Variants in WDR41 observed in about 807,000 individuals in gnomAD.
WDR41 encodes WD repeat domain 41.
A neutral mutation model predicts 69.3 loss-of-function variants in WDR41; 63 were observed. That is an observed-to-expected ratio of 0.91 (90% CI 0.74 to 1.12). The LOEUF is 1.12. WDR41 is among the 50% of genes most tolerant of loss of function. WDR41 has a pLI of 0.00. For synonymous variants in WDR41, 185 were observed against 192.1 expected (o/e 0.96, Z 0.31); for missense variants, 543 against 534.5 (o/e 1.02, Z -0.16).
At chr5:77,437,208 T>C (rs1436221908) in intron 11 of WDR41, 128 bp downstream of exon 11, 1 of 771,704 alleles carries the variant, frequency 1.3e-6, no homozygotes, top group African/African-American at 1.7e-5. Flanking sequence ...ATGCTTTCTA[T>C]AAACATCTGA....
intron 1 of WDR41, among the ~76,000 whole-genome samples, chr5:77,608,960 G>A (rs964485460): frequency 4.6e-5 from 7 of 152,194 alleles, no homozygotes; most frequent in East Asian, 1.9e-4. Context: ...CGAATACTGC[G>A]CTTTTCCGAC....
intron 8 of WDR41, among the ~76,000 whole-genome samples, chr5:77,442,342 T>C (rs776359068): frequency 5.3e-5 from 8 of 152,176 alleles, no homozygotes; most frequent in Non-Finnish European, 1.0e-4. Context: ...TATTAAAAAT[T>C]AAGTTATAAA....
At chr5:77,491,787 G>C (rs1299419079) in intron 1 of WDR41, 1 of 217,916 alleles carries the variant, frequency 4.6e-6, no homozygotes, top group Non-Finnish European at 9.0e-6. Flanking sequence ...GTCACAACTC[G>C]TTCGTTTCTA....
At chr5:77,592,627 A>G (rs1162446947) in intron 1 of WDR41, among the ~76,000 whole-genome samples, 1 of 152,208 alleles carries the variant, frequency 6.6e-6, no homozygotes, top group Non-Finnish European at 1.5e-5. Flanking sequence ...GAGGTGTCCA[A>G]GAGAAACCAG....
At chr5:77,499,561 G>C (rs1053655187) in intron 1 of WDR41, 4 of 152,206 alleles carry the variant, frequency 2.6e-5, no homozygotes, top group Non-Finnish European at 5.9e-5. Flanking sequence ...TGCTGCAAAA[G>C]AGTGCATCCA....
intron 2 of WDR41, among the ~76,000 whole-genome samples, chr5:77,483,691 T>C (rs1251499643): frequency 6.6e-6 from 1 of 152,214 alleles, no homozygotes; most frequent in Non-Finnish European, 1.5e-5. Context: ...TCTATCATTC[T>C]TCCTAGCTTG....
At chr5:77,535,291 C>T (rs1742952922) in intron 1 of WDR41, among the ~76,000 whole-genome samples, 2 of 152,160 alleles carry the variant, frequency 1.3e-5, no homozygotes, top group African/African-American at 2.4e-5. Context: ...CAGAACACTC[C>T]ATGTCACTCT....
chr5:77,577,017 T>C (rs1161102494), intron 1 of WDR41, among the ~76,000 whole-genome samples: 2 of 152,180 alleles, frequency 1.3e-5, no homozygotes, highest in African/African-American at 4.8e-5. Context: ...ACATTGGAAG[T>C]GAAGGAAACA....
intron 4 of WDR41, among the ~76,000 whole-genome samples, chr5:77,461,275 TCACA>T (rs1451888606): frequency 1.3e-5 from 2 of 152,222 alleles, no homozygotes; most frequent in Non-Finnish European, 2.9e-5. Context: ...TGTATCATAA[TCACA>T]CACAAACATA....
At chr5:77,598,643 C>CT in intron 1 of WDR41, among the ~76,000 whole-genome samples, 2 of 135,344 alleles carry the variant, frequency 1.5e-5, no homozygotes, top group Non-Finnish European at 1.5e-5. Context: ...CAGTAAGTTT[C>CT]CTTTTTTTTT....
chr5:77,496,718 A>G (rs1232126073), upstream of WDR41, among the ~76,000 whole-genome samples: 8 of 152,180 alleles, frequency 5.3e-5, no homozygotes, highest in Non-Finnish European at 1.2e-4. Context: ...TGCAATCTCT[A>G]TCAAAATTTC....
intron 2 of WDR41, among the ~76,000 whole-genome samples, chr5:77,467,397 A>G (rs1003697236): frequency 1.3e-5 from 2 of 151,998 alleles, no homozygotes; most frequent in Non-Finnish European, 2.9e-5. Flanking sequence ...TCTTGCTTTG[A>G]GATCTTAAAA....
intron 1 of WDR41, among the ~76,000 whole-genome samples, chr5:77,566,030 T>C (rs1230651245): frequency 6.6e-6 from 1 of 152,158 alleles, no homozygotes; most frequent in Non-Finnish European, 1.5e-5. Flanking sequence ...AAACTCCTTG[T>C]TTAGACAAGG....
chr5:77,561,910 A>C (rs1743534417), intron 1 of WDR41, among the ~76,000 whole-genome samples: 1 of 152,218 alleles, frequency 6.6e-6, no homozygotes, highest in Admixed American at 6.5e-5. Flanking sequence ...TATTTTGTTT[A>C]TAAATGTAAA....
chr5:77,458,923 C>A (rs2151316699), intron 5 of WDR41, 139 bp downstream of exon 5: 2 of 560,324 alleles, frequency 3.6e-6, no homozygotes, highest in East Asian at 3.0e-5. Flanking sequence ...TCTGATCTTA[C>A]ACGAAGCAAA....
At chr5:77,503,993 A>G (rs1382309502) in intron 1 of WDR41, among the ~76,000 whole-genome samples, 1 of 152,178 alleles carries the variant, frequency 6.6e-6, no homozygotes, top group Non-Finnish European at 1.5e-5. Flanking sequence ...AAACACATTC[A>G]AAAACTAGCA....
At chr5:77,577,018 GA>G (rs1364296381) in intron 1 of WDR41, among the ~76,000 whole-genome samples, 7 of 152,178 alleles carry the variant, frequency 4.6e-5, no homozygotes, top group African/African-American at 1.7e-4. Context: ...CATTGGAAGT[GA>G]AGGAAACAGG....
At chr5:77,438,678 A>T (rs1799040123) in intron 9 of WDR41, among the ~76,000 whole-genome samples, 1 of 152,196 alleles carries the variant, frequency 6.6e-6, no homozygotes, top group African/African-American at 2.4e-5. Context: ...CTGCAGTGGA[A>T]GCTGTTGAGG....
intron 1 of WDR41, among the ~76,000 whole-genome samples, chr5:77,516,243 T>A (rs1457734358): frequency 6.6e-6 from 1 of 152,176 alleles, no homozygotes; most frequent in Non-Finnish European, 1.5e-5. Flanking sequence ...AGGCTGGATA[T>A]TTTTCTTATG....
Sources: allele counts gnomAD v4.1 joint callset (sites outside exome capture counted in the v4.1 genomes callset), GRCh38; gene constraint gnomAD v4.1.1; transcripts MANE v1.5; gene names NCBI Gene and HGNC (gene_info 2026-07-23, HGNC 2026-07-21).